The following PIK3CA variants were observed in gnomAD, a reference collection of about 807,000 sequenced individuals.
PIK3CA encodes the protein phosphatidylinositol-4,5-bisphosphate 3-kinase catalytic subunit alpha.
PIK3CA carries 27 observed loss-of-function variants against 138.2 expected under a neutral mutation model. The ratio of observed to expected loss-of-function variants is 0.20; its 90% confidence interval spans 0.14 to 0.27. The LOEUF (loss-of-function observed/expected upper bound fraction) is 0.27. PIK3CA is among the 10% of genes least tolerant of loss of function. PIK3CA has a pLI of 1.00. For missense variants in PIK3CA, 544 were observed against 1,277.4 expected (o/e 0.43, Z 8.75); for synonymous variants, 358 against 413.2 (o/e 0.87, Z 1.62).
chr3:179,215,215 T>C (rs1369466592), intron 9 of PIK3CA, among the ~76,000 whole-genome samples: 1 of 152,226 alleles, frequency 6.6e-6, no homozygotes, highest in Non-Finnish European at 1.5e-5. Flanking sequence ...CAAATTATCT[T>C]TTCTGCATAT....
intron 1 of PIK3CA, among the ~76,000 whole-genome samples, chr3:179,194,521 G>A (rs1724216628): frequency 6.6e-6 from 1 of 152,058 alleles, no homozygotes; most frequent in South Asian, 2.1e-4. Flanking sequence ...CCCCAGCCCA[G>A]AGTCTCCTTT....
intron 1 of PIK3CA, among the ~76,000 whole-genome samples, chr3:179,191,003 T>C (rs1246636832): frequency 6.6e-6 from 1 of 152,164 alleles, no homozygotes; most frequent in African/African-American, 2.4e-5. Flanking sequence ...GCCTGGTGTC[T>C]TGGGTGTGCG....
At chr3:179,207,818 C>A (rs1272078236) in intron 6 of PIK3CA, among the ~76,000 whole-genome samples, 1 of 152,040 alleles carries the variant, frequency 6.6e-6, no homozygotes, top group Non-Finnish European at 1.5e-5. Context: ...CCATGCCCAG[C>A]CTAATTTTTT....
rs373861259 is a variant in PIK3CA, at chr3:179,221,088, C to T, written c.2118C>T (p.Val706=). 10 of 1,612,814 alleles carry T rather than the reference C, an allele frequency of 6.2e-6. No individual in the cohort carries two copies. The highest frequency in any genetic ancestry group is 2.2e-5 in the South Asian group (2 of 91,032). The change falls in exon 14 of 21, where the codon GTC becomes GTT. Residue 706 remains valine (V), a synonymous_variant. Coordinates refer to ENST00000263967, the MANE Select transcript of PIK3CA (RefSeq NM_006218.4). ...GMYLKHLNRQ[V]EAMEKLINLT... Reference sequence around the variant, plus strand: ...ATTTGAAGCACCTGAATAGGCAAGTCGAGGCAATGGAAAAGCTCATTAACT... The same window carrying T: ...ATTTGAAGCACCTGAATAGGCAAGTTGAGGCAATGGAAAAGCTCATTAACT...
At chr3:179,194,418 TCTTG>T (rs1246367992) in intron 1 of PIK3CA, among the ~76,000 whole-genome samples, 1 of 152,000 alleles carries the variant, frequency 6.6e-6, no homozygotes, top group African/African-American at 2.4e-5. Context: ...AGAGATGGGG[TCTTG>T]AGCCCAGGCT....
chr3:179,224,655 A>G, intron 15 of PIK3CA, 45 bp from the exon 16 acceptor site: 1 of 1,314,064 alleles, frequency 7.6e-7, no homozygotes, highest in Non-Finnish European at 1.1e-6. Context: ...GGGTAAAATA[A>G]TAATAAAGCA....
Position 179,199,867 on chromosome 3 carries a change from T to C in PIK3CA, c.530T>C (p.Leu177Ser), listed in dbSNP as rs2108387850. The C allele has an allele frequency of 6.2e-7, 1 of 1,610,696 alleles. No homozygotes were observed. The highest frequency in any genetic ancestry group is 1.3e-5 in the African/African-American group (1 of 74,956). Residue 177 changes from leucine to serine, a missense_variant, in exon 3 of 21, where the codon TTG becomes TCG. Leu to Ser is a moderately radical substitution (Grantham distance 145). Transcript: ENST00000263967. ...YPPNVESSPE[L>S]PKHIYNKLDK... Reference sequence around the variant, plus strand: ...CCAAATGTAGAATCTTCACCAGAATTGCCAAAGCACATATATAATAAATTA... The same window carrying C: ...CCAAATGTAGAATCTTCACCAGAATCGCCAAAGCACATATATAATAAATTA...
At chr3:179,160,668 A>G (rs186146549) in intron 1 of PIK3CA, among the ~76,000 whole-genome samples, 244 of 152,250 alleles carry the variant, frequency 1.6e-3, no homozygotes, top group Non-Finnish European at 3.0e-3. Flanking sequence ...TGTATATTTT[A>G]TATATTGTGT....
chr3:179,184,147 A>G (rs752359275), intron 1 of PIK3CA, among the ~76,000 whole-genome samples: 14 of 152,168 alleles, frequency 9.2e-5, no homozygotes, highest in Non-Finnish European at 1.9e-4. Context: ...TTTTTATTTG[A>G]TTCACTTACC....
rs188102010 is a variant in PIK3CA, at chr3:179,202,872, G to A, written c.814-672G>A. Among the ~76,000 whole-genome samples the A allele has an allele frequency of 2.4e-4, 36 of 151,422 alleles. 1 individual carries two copies. Among genetic ancestry groups the A allele is most frequent in the African/African-American group, 7.8e-4 (32 of 41,252 alleles). ...ACTTAATAGATTGAATGACAGAGGC[G>A]TCCTAAGTGATATTACTTTTCTGTT... On this transcript the variant is annotated intron_variant, in intron 4 of 20. Transcript: ENST00000263967.
intron 4 of PIK3CA, 70 bp downstream of exon 4, chr3:179,201,610 T>TTTTA: frequency 7.4e-6 from 2 of 271,182 alleles, no homozygotes; most frequent in African/African-American, 1.3e-4. Context: ...AGTATCTGTA[T>TTTTA]TTTTTTTTTT....
chr3:179,211,448 A>G (rs753729827), intron 9 of PIK3CA, among the ~76,000 whole-genome samples: 1 of 152,168 alleles, frequency 6.6e-6, no homozygotes, highest in African/African-American at 2.4e-5. Flanking sequence ...AAGCGGGTGA[A>G]TCACCTGAGG....
chr3:179,234,399 T>C lies in PIK3CA; in HGVS notation c.*35T>C, dbSNP rs2108430303. ...TGAGAAAATGAAAGCTCACTCTGGA[T>C]TCCACACTGCACTGTTAATAACTCT... On this transcript the variant is annotated 3_prime_UTR_variant, in exon 21 of 21. Coordinates refer to ENST00000263967, the MANE Select transcript of PIK3CA (RefSeq NM_006218.4). The surrounding 1 kb of genome is among the most constrained non-coding windows in gnomAD (Gnocchi z 5.1). 6.4e-7 allele frequency: 1 copy of C among 1,562,772 alleles called. No homozygotes were observed. The highest frequency in any genetic ancestry group is 8.7e-7 in the Non-Finnish European group (1 of 1,147,984).
chr3:179,158,077 G>A (rs1028476208), intron 1 of PIK3CA, among the ~76,000 whole-genome samples: 1 of 152,106 alleles, frequency 6.6e-6, no homozygotes. Context: ...ACATTATGAA[G>A]TGAATTGAAT....
At chr3:179,181,653 A>G (rs1003617831) in intron 1 of PIK3CA, among the ~76,000 whole-genome samples, 13 of 152,168 alleles carry the variant, frequency 8.5e-5, no homozygotes, top group African/African-American at 2.4e-4. Flanking sequence ...CTAACTTCCA[A>G]TATTGACAGT....
chr3:179,148,755 G>T (rs1402694091), intron 1 of PIK3CA, among the ~76,000 whole-genome samples, 152 bp downstream of exon 1: 1 of 152,060 alleles, frequency 6.6e-6, no homozygotes, highest in Non-Finnish European at 1.5e-5. Flanking sequence ...GCCTGCGATC[G>T]CCGCACCCTC....
intron 4 of PIK3CA, 142 bp downstream of exon 4, chr3:179,201,682 T>C (rs1026647002): frequency 1.8e-6 from 1 of 567,572 alleles, no homozygotes; most frequent in Non-Finnish European, 3.0e-6. Context: ...CTCGGCTCAC[T>C]GCAGGCTCTG....
At chr3:179,164,807 A>G (rs959345674) in intron 1 of PIK3CA, among the ~76,000 whole-genome samples, 2 of 152,002 alleles carry the variant, frequency 1.3e-5, no homozygotes, top group South Asian at 4.2e-4. Context: ...AGGCGGAGGT[A>G]GCAGTGAGCC....
At chr3:179,183,444 A>G (rs1723899471) in intron 1 of PIK3CA, among the ~76,000 whole-genome samples, 2 of 152,186 alleles carry the variant, frequency 1.3e-5, no homozygotes, top group Non-Finnish European at 2.9e-5. Flanking sequence ...AAAATGTATT[A>G]TTTTTGCAAG....
Sources: allele counts gnomAD v4.1 joint callset (sites outside exome capture counted in the v4.1 genomes callset), GRCh38; gene constraint gnomAD v4.1.1; non-coding constraint Gnocchi (gnomAD v3.1); transcripts MANE v1.5; gene names NCBI Gene and HGNC (gene_info 2026-07-23, HGNC 2026-07-21).